The following CTNND2 variants were observed in gnomAD, a reference collection of about 807,000 sequenced individuals.
CTNND2 encodes catenin delta-2.
A neutral mutation model predicts 144.4 loss-of-function variants in CTNND2; 22 were observed. That is an observed-to-expected ratio of 0.15 (90% confidence interval 0.11 to 0.22). The LOEUF (loss-of-function observed/expected upper bound fraction) is 0.22, where lower values mean the gene tolerates loss of function less well. Ranked by LOEUF, CTNND2 falls within the 10% of genes least tolerant of loss-of-function variation. CTNND2 has a pLI of 1.00. For missense variants in CTNND2, 1,353 were observed against 1,618.8 expected (o/e 0.84, Z 2.82); for synonymous variants, 751 against 695.6 (o/e 1.08, Z -1.25).
At chr5:11,765,664 C>T (rs1789541969) in intron 1 of CTNND2, among the ~76,000 whole-genome samples, 1 of 151,982 alleles carries the variant, frequency 6.6e-6, no homozygotes, top group Non-Finnish European at 1.5e-5. Flanking sequence ...TTATAAGGCT[C>T]TTGGGGTCGT....
intron 3 of CTNND2, among the ~76,000 whole-genome samples, chr5:11,553,965 A>G (rs990143940): frequency 1.3e-5 from 2 of 152,164 alleles, no homozygotes; most frequent in African/African-American, 4.8e-5. Flanking sequence ...AGATACAGTA[A>G]TTGATGTAAG....
At chr5:11,564,834 GT>G (rs1226485529) in intron 3 of CTNND2, 109 bp downstream of exon 3, 8 of 692,344 alleles carry the variant, frequency 1.2e-5, no homozygotes, top group Non-Finnish European at 5.0e-6. Context: ...TCTTTCCAAC[GT>G]TTGACTGAAT....
chr5:11,556,316 T>C (rs910785572), intron 3 of CTNND2, among the ~76,000 whole-genome samples: 3 of 152,134 alleles, frequency 2.0e-5, no homozygotes, highest in Non-Finnish European at 2.9e-5. Flanking sequence ...TTTTGGCAAA[T>C]TGATTATTTA....
chr5:11,161,520 C>T (rs1354386579), intron 11 of CTNND2, among the ~76,000 whole-genome samples: 4 of 152,086 alleles, frequency 2.6e-5, no homozygotes, highest in African/African-American at 9.7e-5. Context: ...AAATGTTTTG[C>T]CAAAGTTTGG....
chr5:11,698,036 T>G (rs1224829263), intron 2 of CTNND2, among the ~76,000 whole-genome samples: 1 of 152,116 alleles, frequency 6.6e-6, no homozygotes, highest in Non-Finnish European at 1.5e-5. Context: ...AGATTTAATT[T>G]TAAAAATCAG....
At chr5:11,711,349 G>A (rs1253808890) in intron 2 of CTNND2, among the ~76,000 whole-genome samples, 1 of 152,090 alleles carries the variant, frequency 6.6e-6, no homozygotes, top group African/African-American at 2.4e-5. Context: ...GAGCCACCAC[G>A]CCGGGCCGAC....
At chr5:11,719,869 CACACACA>C (rs1786563882) in intron 2 of CTNND2, among the ~76,000 whole-genome samples, 1 of 140,200 alleles carries the variant, frequency 7.1e-6, no homozygotes, top group African/African-American at 3.0e-5. Context: ...CACACACACA[CACACACA>C]CCACAGATCC....
chr5:11,209,227 C>T (rs1449973414), intron 10 of CTNND2, among the ~76,000 whole-genome samples: 4 of 152,072 alleles, frequency 2.6e-5, no homozygotes, highest in Admixed American at 2.6e-4. Context: ...GAATATTAAG[C>T]AAGCAATAAA....
intron 1 of CTNND2, among the ~76,000 whole-genome samples, chr5:11,826,835 T>C (rs1793627983): frequency 6.6e-6 from 1 of 151,938 alleles, no homozygotes; most frequent in South Asian, 2.1e-4. Context: ...TATAAAAATG[T>C]ATATAATTCA....
At chr5:11,451,705 T>A (rs1017502465) in intron 3 of CTNND2, among the ~76,000 whole-genome samples, 5 of 152,248 alleles carry the variant, frequency 3.3e-5, no homozygotes, top group Non-Finnish European at 7.3e-5. Context: ...TTATTTATTA[T>A]GAAAGGCAGT....
intron 10 of CTNND2, among the ~76,000 whole-genome samples, chr5:11,222,170 A>G (rs1739865922): frequency 6.6e-6 from 1 of 152,046 alleles, no homozygotes; most frequent in Non-Finnish European, 1.5e-5. Flanking sequence ...GTGGGTGGAG[A>G]GGCGGGGGGA....
chr5:11,654,531 C>T (rs76057904), intron 2 of CTNND2, among the ~76,000 whole-genome samples: 1,807 of 152,050 alleles, frequency 0.012, 11 homozygotes, highest in East Asian at 0.05. Context: ...AAGAAACTCA[C>T]TGTTAATTCA....
intron 1 of CTNND2, among the ~76,000 whole-genome samples, chr5:11,894,671 A>G (rs1341932410): frequency 6.6e-6 from 1 of 152,220 alleles, no homozygotes; most frequent in African/African-American, 2.4e-5. Flanking sequence ...AAATTATCAC[A>G]GCACATTCAA....
intron 3 of CTNND2, among the ~76,000 whole-genome samples, chr5:11,421,478 C>T (rs183193785): frequency 1.1e-3 from 175 of 152,256 alleles, no homozygotes; most frequent in African/African-American, 4.0e-3. Flanking sequence ...TGAGGGGGAC[C>T]GGCTTTGCTA....
chr5:11,158,534 A>C (rs1387862319), intron 12 of CTNND2, among the ~76,000 whole-genome samples: 2 of 152,168 alleles, frequency 1.3e-5, no homozygotes. Context: ...ATATTCGTGG[A>C]GGCAGGCTCT....
chr5:11,530,458 A>T (rs1773650842), intron 3 of CTNND2, among the ~76,000 whole-genome samples: 1 of 152,094 alleles, frequency 6.6e-6, no homozygotes, highest in Non-Finnish European at 1.5e-5. Context: ...CAGCCCTGGG[A>T]CATCTCCGTA....
At chr5:11,297,380 A>G (rs533471671) in intron 9 of CTNND2, among the ~76,000 whole-genome samples, 96 of 152,318 alleles carry the variant, frequency 6.3e-4, no homozygotes, top group African/African-American at 2.3e-3. Flanking sequence ...ATATACTTCT[A>G]ACAAAACGTA....
chr5:11,489,059 C>T (rs1417395840), intron 3 of CTNND2, among the ~76,000 whole-genome samples: 1 of 152,040 alleles, frequency 6.6e-6, no homozygotes, highest in African/African-American at 2.4e-5. Context: ...TTTCATTTCT[C>T]TAGGGTTAAT....
intron 3 of CTNND2, among the ~76,000 whole-genome samples, chr5:11,436,676 C>T (rs1417367035): frequency 6.6e-6 from 1 of 152,130 alleles, no homozygotes. Context: ...GAAGTTAAAG[C>T]CTAAGCTATT....
Sources: allele counts gnomAD v4.1 joint callset (sites outside exome capture counted in the v4.1 genomes callset), GRCh38; gene constraint gnomAD v4.1.1; transcripts MANE v1.5; gene names NCBI Gene and HGNC (gene_info 2026-07-23, HGNC 2026-07-21).